The following JCAD variants were observed in gnomAD, a reference collection of about 807,000 sequenced individuals.
JCAD encodes junctional cadherin 5 associated, also known as junctional cadherin 5-associated protein.
Under a neutral mutation model 98.0 loss-of-function variants are expected in JCAD, and 40 were observed. The observed-to-expected ratio is 0.41, with a 90% CI of 0.32 to 0.53. JCAD has a LOEUF of 0.53. JCAD is among the 20% of genes least tolerant of loss of function. The probability of loss-of-function intolerance (pLI) is 0.31; values close to 1 mark genes in which losing one functional copy is unlikely to be tolerated. For synonymous variants in JCAD, 691 were observed against 682.3 expected, an observed-to-expected ratio of 1.01 and a Z score of -0.20; for missense variants, 1,705 against 1,738.1, an observed-to-expected ratio of 0.98 and a Z score of 0.34.
chr10:30,027,240 C>A lies in JCAD; in HGVS notation c.2908G>T (p.Gly970Cys). 3 of 1,614,216 alleles carry A rather than the reference C, an allele frequency of 1.9e-6. No homozygotes were observed. The highest frequency in any genetic ancestry group is 2.5e-6 in the Non-Finnish European group (3 of 1,180,040). ...EVSNGMDELA[G>C]SPFPVTRMSS... ...ATTCTCGTCACAGGAAATGGGCTAC[C>A]TGCCAGCTCGTCCATTCCGTTGCTA... The change falls in exon 3 of 4, where the codon GGT (glycine) becomes TGT (cysteine). Residue 970 changes from glycine to cysteine, a missense_variant. Coordinates refer to ENST00000375377, the MANE Select transcript of JCAD (RefSeq NM_020848.4).
At chr10:30,045,010 C>T (rs1161966938) in intron 2 of JCAD, among the ~76,000 whole-genome samples, 2 of 152,116 alleles carry the variant, frequency 1.3e-5, no homozygotes, top group Admixed American at 6.5e-5. Context: ...ACAACATGGA[C>T]AAGAGGCCAG....
At position 30,017,727 on chromosome 10, in the gene JCAD, A is replaced by C. The variant is rs1430103343; in HGVS notation, c.*156T>G. 2 of 694,826 alleles carry C rather than the reference A, an allele frequency of 2.9e-6. No individual in the cohort carries two copies. The highest frequency in any genetic ancestry group is 5.1e-6 in the Non-Finnish European group (2 of 391,492). The allele number at this position is 694,826 out of a possible 1,614,324, so 43.0% of individuals were successfully genotyped here. A position where few individuals can be genotyped will look rare whatever the true frequency, so the allele number is the denominator to read the frequency against. ...CACAAAGCAATTCTGAGAGGATGGC[A>C]AGTTTCCTAGTGGCAGTGGTAAAGA... On this transcript the variant is annotated 3_prime_UTR_variant, in exon 4 of 4. Transcript: ENST00000375377.
rs1304104340 is a variant in JCAD at position 30,028,660 on chromosome 10, G to A, written c.1488C>T (p.Ser496=). 26 of 1,604,932 alleles carry A rather than the reference G, an allele frequency of 1.6e-5. No homozygotes were observed. The highest frequency in any genetic ancestry group is 2.1e-5 in the Non-Finnish European group (25 of 1,175,672). ...GGGGCTGGCCCCACAGCCACCGGGG[G>A]CTGGAATCGGCCAAGACCAGGCCTC... The part of the protein sequence containing the change: ...DERGLVLADS[S]PRWLWGQPPG... The change falls in exon 3 of 4, where the codon AGC becomes AGT. Residue 496 remains serine, a synonymous_variant. Coordinates refer to ENST00000375377, the MANE Select transcript of JCAD (RefSeq NM_020848.4).
At chr10:30,086,577 C>G (rs958124871) in intron 1 of JCAD, among the ~76,000 whole-genome samples, 5 of 152,202 alleles carry the variant, frequency 3.3e-5, no homozygotes, top group African/African-American at 1.2e-4. Context: ...TTGCCACCCA[C>G]CCTGGGTGGA....
At chr10:30,051,254 C>CCACACGCACACA (rs1235036603) in intron 1 of JCAD, among the ~76,000 whole-genome samples, 14 of 146,796 alleles carry the variant, frequency 9.5e-5, no homozygotes, top group African/African-American at 3.3e-4. Context: ...TTCTCACACA[C>CCACACGCACACA]CACACGCACA....
At position 30,090,582 on chromosome 10, in the gene JCAD, G is replaced by C. The variant is rs146565703; in HGVS notation, n.129-20761C>G. On this transcript the variant is annotated intron_variant and non_coding_transcript_variant, in intron 1 of 2. Coordinates refer to the JCAD transcript ENST00000465712. ...GGAGAGGAGAGGGGAGGGGAGGGGA[G>C]GGGAGGGGAAAGGGAAAAATGTGAA... Among the ~76,000 whole-genome samples, 1,454 of 151,624 alleles carry C rather than the reference G, an allele frequency of 9.6e-3. 19 individuals carry two copies. Among genetic ancestry groups the C allele is most frequent in the Middle Eastern group, 0.054 (16 of 294 alleles).
chr10:30,061,872 A>C (rs977269517), upstream of JCAD, among the ~76,000 whole-genome samples: 2 of 152,154 alleles, frequency 1.3e-5, no homozygotes, highest in African/African-American at 4.8e-5. Flanking sequence ...CAATGAAATA[A>C]CTTTGTCCTG....
At chr10:30,062,274 A>AG (rs551399013), upstream of JCAD, among the ~76,000 whole-genome samples, 2 of 152,360 alleles carry the variant, frequency 1.3e-5, no homozygotes, top group East Asian at 3.9e-4. Context: ...AGATGCTTGT[A>AG]GTTTCTTGAC....
intron 1 of JCAD, among the ~76,000 whole-genome samples, chr10:30,058,824 C>T (rs1237431725): frequency 6.6e-6 from 1 of 152,176 alleles, no homozygotes; most frequent in Non-Finnish European, 1.5e-5. Context: ...CCATCCCACG[C>T]GCAGCCAGGA....
chr10:30,032,416 A>G (rs2132624160), intron 2 of JCAD, among the ~76,000 whole-genome samples: 1 of 152,336 alleles, frequency 6.6e-6, no homozygotes, highest in South Asian at 2.1e-4. Context: ...TGAAGAACAT[A>G]ATGTGCAGAA....
chr10:30,052,191 C>A (rs1238357058), intron 1 of JCAD, among the ~76,000 whole-genome samples: 3 of 152,208 alleles, frequency 2.0e-5, no homozygotes, highest in African/African-American at 7.2e-5. Flanking sequence ...TTACCTCCCG[C>A]TTCGCTGTTG....
rs191255858 is a variant in JCAD, at chr10:30,052,195, G to A, written c.-59-4324C>T. The stretch of plus-strand genomic sequence containing the variant: ...ATGGGGCTGGGTTACCTCCCGCTTC[G>A]CTGTTGGGATGAGTGTCTGTTTCTC... On this transcript the variant is annotated intron_variant, in intron 1 of 3. Transcript: ENST00000375377. Among the ~76,000 whole-genome samples the A allele has an allele frequency of 3.9e-5, 6 of 152,296 alleles. No homozygotes were observed. In the East Asian group the frequency reaches 7.7e-4, roughly 20 times the overall value.
At chr10:30,115,160 C>T (rs1838770252) in intron 1 of JCAD, among the ~76,000 whole-genome samples, 1 of 152,188 alleles carries the variant, frequency 6.6e-6, no homozygotes, top group Admixed American at 6.5e-5. Flanking sequence ...ACACCCAGCG[C>T]TTTCTCCACA....
chr10:30,110,437 G>A (rs972613531), intron 1 of JCAD, among the ~76,000 whole-genome samples: 2 of 151,732 alleles, frequency 1.3e-5, no homozygotes, highest in African/African-American at 2.4e-5. Flanking sequence ...ACCTGTTGGT[G>A]TATGGACCCC....
intron 3 of JCAD, among the ~76,000 whole-genome samples, chr10:30,022,947 C>A (rs1423897255): frequency 1.3e-5 from 2 of 152,170 alleles, no homozygotes; most frequent in Non-Finnish European, 2.9e-5. Flanking sequence ...GAGCAACTTC[C>A]AGTCCTGCAA....
intron 3 of JCAD, among the ~76,000 whole-genome samples, chr10:30,018,293 C>CTT (rs762177794): frequency 6.8e-5 from 8 of 118,462 alleles, no homozygotes; most frequent in East Asian, 4.3e-4. Context: ...TCTTCTTCTT[C>CTT]TTCTTTTTTT....
At chr10:30,037,268 C>G (rs2132630152) in intron 2 of JCAD, among the ~76,000 whole-genome samples, 1 of 152,242 alleles carries the variant, frequency 6.6e-6, no homozygotes, top group East Asian at 1.9e-4. Flanking sequence ...AGTATACCAC[C>G]CCGTGCAAAT....
At chr10:30,060,231 G>T (rs1837674920), upstream of JCAD, among the ~76,000 whole-genome samples, 1 of 152,324 alleles carries the variant, frequency 6.6e-6, no homozygotes, top group Non-Finnish European at 1.5e-5. Context: ...GTCTGAAGGA[G>T]TCTGGAAGCC....
At chr10:30,078,756 C>A (rs1238710637) in intron 1 of JCAD, among the ~76,000 whole-genome samples, 1 of 152,200 alleles carries the variant, frequency 6.6e-6, no homozygotes, top group Non-Finnish European at 1.5e-5. Context: ...ATCTGAGCTG[C>A]AGCAGGCATC....
Sources: allele counts gnomAD v4.1 joint callset (sites outside exome capture counted in the v4.1 genomes callset), GRCh38; gene constraint gnomAD v4.1.1; transcripts MANE v1.5; gene names NCBI Gene and HGNC (gene_info 2026-07-23, HGNC 2026-07-21).